Variants in CGNL1 observed in about 807,000 individuals in gnomAD.
CGNL1 encodes the protein cingulin-like protein 1.
CGNL1 carries 132 observed loss-of-function variants against 141.2 expected under a neutral mutation model. The ratio of observed to expected loss-of-function variants is 0.93; its 90% CI spans 0.81 to 1.08. CGNL1 has a LOEUF of 1.08. Among genes scored for constraint, CGNL1 ranks in the 50% least tolerant of loss-of-function variants. The probability of loss-of-function intolerance (pLI) is 0.00; values close to 1 mark genes in which losing one functional copy is unlikely to be tolerated. For missense variants in CGNL1, 1,870 were observed against 1,588.6 expected (o/e 1.18, Z -3.01); for synonymous variants, 690 against 622.1 (o/e 1.11, Z -1.63).
chr15:57,498,152 T>C (rs116702666), intron 8 of CGNL1, among the ~76,000 whole-genome samples: 9 of 152,068 alleles, frequency 5.9e-5, no homozygotes, highest in African/African-American at 1.9e-4. Context: ...CTTCATAGCA[T>C]TGGGTTCTTG....
At chr15:57,416,320 C>T (rs2062849134) in intron 1 of CGNL1, among the ~76,000 whole-genome samples, 1 of 151,816 alleles carries the variant, frequency 6.6e-6, no homozygotes, top group Non-Finnish European at 1.5e-5. Flanking sequence ...GTAACTTGCC[C>T]AAAGTCTCAC....
At chr15:57,432,573 C>T (rs942810263) in intron 1 of CGNL1, among the ~76,000 whole-genome samples, 3 of 152,314 alleles carry the variant, frequency 2.0e-5, no homozygotes, top group Admixed American at 6.5e-5. Context: ...GATTGATCAG[C>T]GTTTACTGCC....
chr15:57,439,677 G>A (rs1190507456), intron 2 of CGNL1, 76 bp downstream of exon 2: 30 of 1,381,332 alleles, frequency 2.2e-5, no homozygotes, highest in Non-Finnish European at 2.9e-5. Flanking sequence ...TATGCTGCAG[G>A]AGGCCATAGG....
chr15:57,462,237 T>G (rs2063456773), intron 8 of CGNL1, among the ~76,000 whole-genome samples: 1 of 152,216 alleles, frequency 6.6e-6, no homozygotes, highest in Non-Finnish European at 1.5e-5. Flanking sequence ...GGGCATTGTG[T>G]GACCAAGTTA....
chr15:57,465,010 C>A (rs1249623295), intron 8 of CGNL1, among the ~76,000 whole-genome samples: 1 of 152,078 alleles, frequency 6.6e-6, no homozygotes, highest in African/African-American at 2.4e-5. Flanking sequence ...CCTCGGCCTC[C>A]CAAAGTGCTG....
intron 8 of CGNL1, among the ~76,000 whole-genome samples, chr15:57,494,835 G>T (rs2063914544): frequency 6.6e-6 from 1 of 152,224 alleles, no homozygotes; most frequent in Admixed American, 6.5e-5. Context: ...CATGAGCTCA[G>T]ACACTGGCGT....
chr15:57,537,845 T>G (rs1443336299), intron 14 of CGNL1, among the ~76,000 whole-genome samples: 1 of 152,262 alleles, frequency 6.6e-6, no homozygotes, highest in Non-Finnish European at 1.5e-5. Context: ...GTTCTGTTTT[T>G]AATTTGACTG....
Position 57,408,478 on chromosome 15 carries a change from A to G in CGNL1, c.-15-29507A>G, listed in dbSNP as rs550321658. ...TTAAGCCCCAAAGCAAAGTTTGGAC[A>G]GTTTTCCCAGAGCCAAACCTCTGGA... On this transcript the variant is annotated intron_variant, in intron 1 of 18. Coordinates refer to ENST00000281282, the MANE Select transcript of CGNL1 (RefSeq NM_032866.5). Among the ~76,000 whole-genome samples, 3 of 152,302 alleles carry G rather than the reference A, an allele frequency of 2.0e-5. No homozygotes were observed. In the East Asian group the frequency reaches 5.8e-4, roughly 29 times the overall value.
At chr15:57,435,029 C>T (rs1383012596) in intron 1 of CGNL1, among the ~76,000 whole-genome samples, 1 of 152,006 alleles carries the variant, frequency 6.6e-6, no homozygotes, top group Non-Finnish European at 1.5e-5. Flanking sequence ...CACCAAATTA[C>T]CTGATATTTT....
chr15:57,444,644 C>A (rs1295155743), intron 4 of CGNL1, among the ~76,000 whole-genome samples: 1 of 152,118 alleles, frequency 6.6e-6, no homozygotes, highest in Non-Finnish European at 1.5e-5. Flanking sequence ...CCCAAGAGAT[C>A]ATAGAATTAT....
chr15:57,500,160 C>A (rs2064002173), intron 8 of CGNL1, among the ~76,000 whole-genome samples: 5 of 152,096 alleles, frequency 3.3e-5, no homozygotes, highest in Admixed American at 3.3e-4. Flanking sequence ...AGATGTTTTC[C>A]TTCATACCCT....
In CGNL1 at chr15:57,381,403, A is replaced by C. The variant is rs188530005; in HGVS notation, c.-16+4836A>C. Among the ~76,000 whole-genome samples, 739 of 152,250 alleles carry C rather than the reference A, an allele frequency of 4.9e-3. 5 individuals are homozygous for C. The highest frequency in any genetic ancestry group is 0.017 in the African/African-American group (710 of 41,554). ...GCTGAAATACCGCCTCTACAAAAAA[A>C]TACAGAAATTAGCCTGGTGTGGTGG... On this transcript the variant is annotated intron_variant, in intron 1 of 18. Transcript: ENST00000281282.
chr15:57,466,326 A>T (rs2063511187), intron 8 of CGNL1, among the ~76,000 whole-genome samples: 1 of 152,260 alleles, frequency 6.6e-6, no homozygotes, highest in Non-Finnish European at 1.5e-5. Flanking sequence ...CTCAATAGGG[A>T]TGTGAATGAC....
At chr15:57,521,464 A>G (rs1265024296) in intron 10 of CGNL1, among the ~76,000 whole-genome samples, 3 of 152,202 alleles carry the variant, frequency 2.0e-5, no homozygotes, top group Non-Finnish European at 2.9e-5. Context: ...ATAGGCATTC[A>G]TTTTTAATAG....
At position 57,513,253 on chromosome 15, in the gene CGNL1, G is replaced by GGTGTGTGTGT. The variant is rs369204678; in HGVS notation, c.2404-3494_2404-3485dup. On this transcript the variant is annotated intron_variant, in intron 8 of 18. Transcript: ENST00000281282. ...AGACTTTCATATAAATGTCAATATG[G>GGTGTGTGTGT]GTGTGTGTGTGTGTGTGTGTGTGTG... is the stretch of plus-strand genomic sequence containing the variant. 4.2e-3 allele frequency among the ~76,000 whole-genome samples: 561 copies of GGTGTGTGTGT among 133,936 alleles called. 4 individuals are homozygous for GGTGTGTGTGT. Among genetic ancestry groups the GGTGTGTGTGT allele is most frequent in the African/African-American group, 5.6e-3 (201 of 35,790 alleles). 87.9% of individuals were successfully genotyped at this position (133,936 alleles called of 152,430 possible).
In CGNL1 at chr15:57,438,187, G is replaced by T; in HGVS notation, c.188G>T (p.Cys63Phe). The T allele has an allele frequency of 6.2e-7, 1 of 1,614,124 alleles. No homozygotes were observed. Among genetic ancestry groups the T allele is most frequent in the Non-Finnish European group, 8.5e-7 (1 of 1,180,016 alleles). The change falls in exon 2 of 19, where the codon TGC (cysteine) becomes TTC (phenylalanine). Residue 63 changes from cysteine to phenylalanine, a missense_variant. By Grantham distance (205) the Cys-to-Phe change is radical. Transcript: ENST00000281282. ...PYIVLNNTER[C>F]LAGTSFSENG... ...ATTGTCCTGAATAACACAGAACGGTGCCTAGCAGGCACATCGTTTTCTGAA... is the reference window on the plus strand; with the variant it reads ...ATTGTCCTGAATAACACAGAACGGTTCCTAGCAGGCACATCGTTTTCTGAA...
intron 4 of CGNL1, among the ~76,000 whole-genome samples, chr15:57,444,026 T>G (rs2152313338): frequency 6.6e-6 from 1 of 152,342 alleles, no homozygotes; most frequent in Admixed American, 6.5e-5. Context: ...AACATAGTTT[T>G]GCATCCATGC....
At chr15:57,418,735 T>C (rs565397686) in intron 1 of CGNL1, among the ~76,000 whole-genome samples, 1 of 152,260 alleles carries the variant, frequency 6.6e-6, no homozygotes, top group South Asian at 2.1e-4. Flanking sequence ...CAGGGAGATG[T>C]TTGCCCTGTT....
At chr15:57,527,470 A>G (rs1019411968) in intron 12 of CGNL1, 1 of 152,202 alleles carries the variant, frequency 6.6e-6, no homozygotes, top group African/African-American at 2.4e-5. Context: ...TCTACTCAAT[A>G]CTAGTACCAA....
Sources: gnomAD v4.1 joint callset for allele counts (sites outside exome capture counted in the v4.1 genomes callset) on GRCh38, gnomAD v4.1.1 for gene constraint, MANE v1.5 for transcripts, NCBI Gene and HGNC (gene_info 2026-07-23, HGNC 2026-07-21) for gene names.